Variants in NELL2 observed in about 807,000 individuals in gnomAD.
NELL2 encodes the protein protein kinase C-binding protein NELL2.
Under a neutral mutation model 109.6 loss-of-function variants are expected in NELL2, and 41 were observed. The observed-to-expected ratio is 0.37, with a 90% CI of 0.29 to 0.49. The LOEUF is 0.49. NELL2 is among the 20% of genes least tolerant of loss of function. The pLI is 0.98. For missense variants in NELL2, 900 were observed against 1,008.3 expected (o/e 0.89, Z 1.45); for synonymous variants, 355 against 344.7 (o/e 1.03, Z -0.33).
At chr12:44,618,257 A>T (rs1945911491) in intron 13 of NELL2, among the ~76,000 whole-genome samples, 2 of 152,154 alleles carry the variant, frequency 1.3e-5, no homozygotes, top group African/African-American at 4.8e-5. Context: ...TTGTTCACTG[A>T]CCACACCGAT....
chr12:44,809,756 CTCT>C (rs1943114136), intron 3 of NELL2, among the ~76,000 whole-genome samples: 1 of 151,994 alleles, frequency 6.6e-6, no homozygotes, highest in African/African-American at 2.4e-5. Flanking sequence ...GACTGAAGCC[CTCT>C]TCTTAATTCT....
chr12:44,566,149 A>G (rs941257333), intron 15 of NELL2, among the ~76,000 whole-genome samples: 2 of 152,154 alleles, frequency 1.3e-5, no homozygotes, highest in Admixed American at 1.3e-4. Flanking sequence ...AGCTAGTTTG[A>G]ATTACAAAGT....
chr12:44,682,657 A>G (rs961945788), intron 12 of NELL2, among the ~76,000 whole-genome samples: 4 of 152,184 alleles, frequency 2.6e-5, no homozygotes, highest in African/African-American at 9.7e-5. Flanking sequence ...TTTCCCCAGC[A>G]CCATTTATTA....
intron 15 of NELL2, among the ~76,000 whole-genome samples, chr12:44,568,786 T>C (rs1259966136): frequency 6.6e-6 from 1 of 152,100 alleles, no homozygotes; most frequent in African/African-American, 2.4e-5. Flanking sequence ...GCTTTATATA[T>C]ACACATACAT....
At chr12:44,894,438 T>C (rs1470470831) in intron 1 of NELL2, among the ~76,000 whole-genome samples, 1 of 152,208 alleles carries the variant, frequency 6.6e-6, no homozygotes, top group Non-Finnish European at 1.5e-5. Flanking sequence ...TAAAGCAAGG[T>C]AAGTGATGCT....
At chr12:44,526,853 T>TG (rs758748440) in intron 16 of NELL2, among the ~76,000 whole-genome samples, 7 of 152,126 alleles carry the variant, frequency 4.6e-5, no homozygotes, top group African/African-American at 1.2e-4. Context: ...GATATGTGTG[T>TG]GGGGGGCTCA....
chr12:44,716,034 A>C (rs1380163397), intron 9 of NELL2, among the ~76,000 whole-genome samples: 1 of 152,008 alleles, frequency 6.6e-6, no homozygotes, highest in Non-Finnish European at 1.5e-5. Flanking sequence ...TCCTGTCCTT[A>C]AGTGGTCCTT....
At chr12:44,810,330 C>G (rs961222082) in intron 3 of NELL2, among the ~76,000 whole-genome samples, 3 of 151,984 alleles carry the variant, frequency 2.0e-5, no homozygotes, top group African/African-American at 7.3e-5. Context: ...CACAAACACA[C>G]AAATTCACCT....
chr12:44,515,779 G>A (rs1941233210), intron 19 of NELL2, among the ~76,000 whole-genome samples: 1 of 151,710 alleles, frequency 6.6e-6, no homozygotes, highest in Non-Finnish European at 1.5e-5. Context: ...GCTATTTTTG[G>A]CTATATTTAT....
At chr12:44,528,263 C>T (rs527386908) in intron 16 of NELL2, among the ~76,000 whole-genome samples, 1 of 151,710 alleles carries the variant, frequency 6.6e-6, no homozygotes, top group African/African-American at 2.4e-5. Context: ...AGGTTTTTCA[C>T]TGCTCCTATG....
chr12:44,791,899 C>T (rs1465991526), intron 3 of NELL2, among the ~76,000 whole-genome samples: 1 of 151,346 alleles, frequency 6.6e-6, no homozygotes, highest in Non-Finnish European at 1.5e-5. Flanking sequence ...GGGTAACAGG[C>T]ATATAGACCA....
chr12:44,625,049 TGTTG>T (rs1946203023), intron 13 of NELL2, among the ~76,000 whole-genome samples: 1 of 145,086 alleles, frequency 6.9e-6, no homozygotes, highest in African/African-American at 2.5e-5. Flanking sequence ...AACAAGTGAA[TGTTG>T]GGGAAAGTAC....
intron 10 of NELL2, among the ~76,000 whole-genome samples, chr12:44,713,646 C>T (rs1301694959): frequency 1.3e-5 from 2 of 151,882 alleles, no homozygotes; most frequent in African/African-American, 4.8e-5. Flanking sequence ...ATGAAGAAAT[C>T]AGAGCTTTCA....
chr12:44,674,776 A>G (rs1486810829), intron 12 of NELL2, among the ~76,000 whole-genome samples: 2 of 152,160 alleles, frequency 1.3e-5, no homozygotes, highest in Admixed American at 1.3e-4. Context: ...ACCTTTTATG[A>G]ATTAATAAAA....
At chr12:44,701,524 TA>T (rs1280905767) in intron 12 of NELL2, among the ~76,000 whole-genome samples, 15 of 152,108 alleles carry the variant, frequency 9.9e-5, no homozygotes, top group Non-Finnish European at 7.4e-5. Context: ...ACAAGTAAGG[TA>T]ATCTAAATCT....
At chr12:44,632,130 T>A (rs1417896514) in intron 13 of NELL2, among the ~76,000 whole-genome samples, 1 of 152,052 alleles carries the variant, frequency 6.6e-6, no homozygotes, top group Admixed American at 6.6e-5. Flanking sequence ...TTATCCATTC[T>A]GATAAAAGTT....
At chr12:44,580,487 T>G (rs2136209830) in intron 15 of NELL2, among the ~76,000 whole-genome samples, 1 of 152,092 alleles carries the variant, frequency 6.6e-6, no homozygotes, top group Non-Finnish European at 1.5e-5. Flanking sequence ...GAGGCCGAGG[T>G]GGGCAGATTG....
chr12:44,658,896 A>G (rs1053728797), intron 13 of NELL2, among the ~76,000 whole-genome samples: 10 of 150,652 alleles, frequency 6.6e-5, no homozygotes, highest in African/African-American at 1.2e-4. Flanking sequence ...AAAAAAAAAA[A>G]AAAGAAAAGA....
rs552767719 is a variant in NELL2, at chr12:44,686,063, T to C, written c.1318+17663A>G. Among the ~76,000 whole-genome samples, 43 of 152,340 alleles carry C rather than the reference T, an allele frequency of 2.8e-4. 2 individuals are homozygous for C. In the South Asian group the frequency reaches 8.3e-3, roughly 29 times the overall value. On this transcript the variant is annotated intron_variant, in intron 12 of 19. Transcript: ENST00000429094. ...TACTTTCAGGTACACCAATCAGACA[T>C]AGATTTGGTCTTTTCACATAGTCCC...
Sources: gnomAD v4.1 joint callset for allele counts (sites outside exome capture counted in the v4.1 genomes callset) on GRCh38, gnomAD v4.1.1 for gene constraint, MANE v1.5 for transcripts, NCBI Gene and HGNC (gene_info 2026-07-23, HGNC 2026-07-21) for gene names.